Variants in USP37 observed in about 807,000 individuals in gnomAD.
USP37 encodes ubiquitin specific peptidase 37.
USP37 carries 27 observed loss-of-function variants against 124.0 expected under a neutral mutation model. That is an observed-to-expected ratio of 0.22 (90% confidence interval 0.16 to 0.30). USP37 has a LOEUF of 0.30. Ranked by LOEUF, USP37 falls within the 10% of genes least tolerant of loss-of-function variation. The pLI is 1.00. For synonymous variants in USP37, 365 were observed against 388.0 expected (o/e 0.94, Z 0.70); for missense variants, 889 against 1,140.4 (o/e 0.78, Z 3.17).
chr2:218,493,741 G>A (rs1299776341), intron 14 of USP37, among the ~76,000 whole-genome samples: 1 of 152,130 alleles, frequency 6.6e-6, no homozygotes, highest in Non-Finnish European at 1.5e-5. Flanking sequence ...AAAGTGCTGG[G>A]ATTACAGGCG....
intron 6 of USP37, among the ~76,000 whole-genome samples, chr2:218,549,561 T>G (rs1692550673): frequency 6.6e-6 from 1 of 150,544 alleles, no homozygotes; most frequent in Non-Finnish European, 1.5e-5. Flanking sequence ...ACCTCCTGGG[T>G]TCAAGCAATT....
intron 2 of USP37, among the ~76,000 whole-genome samples, chr2:218,561,895 C>T (rs945484639): frequency 1.2e-4 from 18 of 152,160 alleles, no homozygotes; most frequent in African/African-American, 4.3e-4. Flanking sequence ...TCAAAAATCT[C>T]TATGTTCTCA....
intron 22 of USP37, among the ~76,000 whole-genome samples, chr2:218,461,768 G>A (rs1366055154): frequency 6.6e-6 from 1 of 152,090 alleles, no homozygotes; most frequent in Non-Finnish European, 1.5e-5. Context: ...GACTTTGGGA[G>A]GCCGAGGCGG....
rs186931938 is a variant in USP37, at chr2:218,500,878, G to A, written c.1026-2721C>T. The A allele has an allele frequency of 6.2e-3, 1,003 of 161,370 alleles. 3 individuals are homozygous for A. Among genetic ancestry groups the A allele is most frequent in the Non-Finnish European group, 8.2e-3 (558 of 67,812 alleles). The allele number at this position is 161,370 out of a possible 1,614,324, so 10.0% of individuals were successfully genotyped here. A position where few individuals can be genotyped will look rare whatever the true frequency, so the allele number is the denominator to read the frequency against. On this transcript the variant is annotated intron_variant, in intron 11 of 25. Coordinates refer to ENST00000258399, the MANE Select transcript of USP37 (RefSeq NM_020935.3). ...GGCTGAAGACCAGTCCTCCTCTATT[G>A]GGGATGGTCATCCTCTTTGACTGAG... is the stretch of plus-strand genomic sequence containing the variant.
intron 14 of USP37, among the ~76,000 whole-genome samples, chr2:218,491,250 G>A (rs1245239002): frequency 6.6e-6 from 1 of 152,154 alleles, no homozygotes; most frequent in Non-Finnish European, 1.5e-5. Flanking sequence ...CTTCCTACTA[G>A]CCTGGAAAAA....
At chr2:218,557,930 C>CAAAAAAAAAAAAAAAAAA (rs61488353) in intron 4 of USP37, among the ~76,000 whole-genome samples, 1,010 of 35,518 alleles carry the variant, frequency 0.028, 152 homozygotes, top group East Asian at 0.1. Flanking sequence ...GACTCTGTCT[C>CAAAAAAAAAAAAAAAAAA]AAAAAAAAAA....
At chr2:218,500,003 A>G (rs1689286842) in intron 11 of USP37, among the ~76,000 whole-genome samples, 1 of 152,146 alleles carries the variant, frequency 6.6e-6, no homozygotes. Flanking sequence ...TCCAGGGCTC[A>G]AGCAATCCTC....
intron 18 of USP37, among the ~76,000 whole-genome samples, chr2:218,478,740 C>T (rs1402273113): frequency 6.6e-6 from 1 of 152,132 alleles, no homozygotes; most frequent in Admixed American, 6.5e-5. Flanking sequence ...CCTGTAAATG[C>T]ATCACTTGCT....
rs1351076952 is a variant in USP37, at chr2:218,495,915, C to T, written c.1317G>A (p.Gln439=). 1.2e-6 allele frequency: 2 copies of T among 1,612,960 alleles called. No homozygotes were observed. The highest frequency in any genetic ancestry group is 3.3e-5 in the Admixed American group (2 of 59,834). ...TTAATTTTTCCATATCTTCTTTCAG[C>T]TGGTCCAAACACTGACTTAAAAATT... ...AHEFLSQCLD[Q]LKEDMEKLNK... Residue 439 remains glutamine, a synonymous_variant, in exon 14 of 26, where the codon CAG becomes CAA. Coordinates refer to ENST00000258399, the MANE Select transcript of USP37 (RefSeq NM_020935.3).
At chr2:218,532,892 G>A (rs1329323818) in intron 9 of USP37, among the ~76,000 whole-genome samples, 2 of 151,322 alleles carry the variant, frequency 1.3e-5, no homozygotes, top group Non-Finnish European at 2.9e-5. Context: ...TCACACCACT[G>A]AACTCCAGCC....
At chr2:218,543,628 C>T (rs1692122734) in intron 8 of USP37, among the ~76,000 whole-genome samples, 1 of 151,166 alleles carries the variant, frequency 6.6e-6, no homozygotes, top group African/African-American at 2.4e-5. Context: ...CTGGCTAACA[C>T]CGTGAAACCC....
intron 9 of USP37, among the ~76,000 whole-genome samples, chr2:218,530,704 C>T (rs960237291): frequency 2.0e-5 from 3 of 152,154 alleles, no homozygotes; most frequent in African/African-American, 7.2e-5. Context: ...AAAGCTAGGC[C>T]TTTTGCACCA....
At chr2:218,531,568 T>C (rs1691325615) in intron 9 of USP37, among the ~76,000 whole-genome samples, 1 of 152,228 alleles carries the variant, frequency 6.6e-6, no homozygotes, top group Admixed American at 6.5e-5. Flanking sequence ...TCATTTCAAT[T>C]TTCAAGTCTT....
At chr2:218,514,146 T>G (rs1690149446) in intron 10 of USP37, 1 of 152,106 alleles carries the variant, frequency 6.6e-6, no homozygotes, top group East Asian at 1.9e-4. Flanking sequence ...TACAAAAAAG[T>G]TGCAAAATGG....
intron 4 of USP37, among the ~76,000 whole-genome samples, chr2:218,556,185 A>G (rs1007097296): frequency 4.6e-5 from 7 of 152,164 alleles, no homozygotes; most frequent in African/African-American, 1.7e-4. Flanking sequence ...TATTTCTGTT[A>G]CTCACTCCTC....
chr2:218,484,510 T>C (rs887436814), intron 16 of USP37, among the ~76,000 whole-genome samples: 3 of 151,968 alleles, frequency 2.0e-5, no homozygotes, highest in Non-Finnish European at 4.4e-5. Flanking sequence ...TAATCCCAGC[T>C]ACTCGGGAGG....
chr2:218,478,452 T>C (rs1441020294), intron 18 of USP37, among the ~76,000 whole-genome samples: 3 of 152,292 alleles, frequency 2.0e-5, no homozygotes, highest in Non-Finnish European at 4.4e-5. Flanking sequence ...ACAAAGGACA[T>C]TGTAGAAGAA....
chr2:218,457,564 A>T (rs927436693), intron 23 of USP37, among the ~76,000 whole-genome samples: 3 of 152,194 alleles, frequency 2.0e-5, no homozygotes, highest in Non-Finnish European at 2.9e-5. Flanking sequence ...TAACTCTATT[A>T]AAAAAATGTT....
At chr2:218,547,359 C>T (rs1418672907) in intron 6 of USP37, among the ~76,000 whole-genome samples, 1 of 152,076 alleles carries the variant, frequency 6.6e-6, no homozygotes, top group African/African-American at 2.4e-5. Flanking sequence ...AATGGAGATA[C>T]ATCTCTAGAG....
Sources: allele counts gnomAD v4.1 joint callset (sites outside exome capture counted in the v4.1 genomes callset), GRCh38; gene constraint gnomAD v4.1.1; transcripts MANE v1.5; gene names NCBI Gene and HGNC (gene_info 2026-07-23, HGNC 2026-07-21).